SIPA1L2: variants seen among roughly 807,000 people sequenced by gnomAD.
SIPA1L2 encodes the protein signal-induced proliferation-associated 1-like protein 2.
SIPA1L2 carries 56 observed loss-of-function variants against 163.9 expected under a neutral mutation model. The ratio of observed to expected loss-of-function variants is 0.34; its 90% confidence interval spans 0.28 to 0.43. The LOEUF (loss-of-function observed/expected upper bound fraction) is 0.43. Ranked by LOEUF, SIPA1L2 falls within the 20% of genes least tolerant of loss-of-function variation. The pLI is 1.00. For synonymous variants in SIPA1L2, 877 were observed against 865.7 expected (o/e 1.01, Z -0.23); for missense variants, 1,974 against 2,193.5 (o/e 0.90, Z 2.00).
At chr1:232,589,086 G>T (rs1476027395) in intron 1 of SIPA1L2, among the ~76,000 whole-genome samples, 1 of 152,160 alleles carries the variant, frequency 6.6e-6, no homozygotes, top group Non-Finnish European at 1.5e-5. Context: ...ACATTTAGGT[G>T]GCAGTTCCCT....
chr1:232,551,989 G>A (rs370580479), intron 2 of SIPA1L2, among the ~76,000 whole-genome samples: 9 of 152,036 alleles, frequency 5.9e-5, no homozygotes, highest in African/African-American at 2.2e-4. Flanking sequence ...ACAGGCGCCC[G>A]CCCCCACGCC....
chr1:232,418,791 A>G (rs1430824575), intron 18 of SIPA1L2, among the ~76,000 whole-genome samples: 1 of 152,170 alleles, frequency 6.6e-6, no homozygotes, highest in East Asian at 1.9e-4. Flanking sequence ...CCAGTGGTGA[A>G]TGGGACTTCT....
At chr1:232,590,634 G>A (rs1660909851) in intron 1 of SIPA1L2, among the ~76,000 whole-genome samples, 1 of 152,188 alleles carries the variant, frequency 6.6e-6, no homozygotes, top group South Asian at 2.1e-4. Flanking sequence ...ACATGGCATT[G>A]GGCCTCGCCC....
At chr1:232,586,607 T>C (rs1350584317) in intron 1 of SIPA1L2, among the ~76,000 whole-genome samples, 1 of 152,224 alleles carries the variant, frequency 6.6e-6, no homozygotes, top group African/African-American at 2.4e-5. Flanking sequence ...ACTTAAAATT[T>C]CTTTTAATGA....
At chr1:232,407,623 G>A (rs1310600775) in intron 19 of SIPA1L2, among the ~76,000 whole-genome samples, 3 of 152,122 alleles carry the variant, frequency 2.0e-5, no homozygotes, top group African/African-American at 7.2e-5. Flanking sequence ...ATTTGCACAG[G>A]AGCACACACA....
chr1:232,512,438 C>T (rs1005291298), intron 3 of SIPA1L2, among the ~76,000 whole-genome samples: 1 of 152,136 alleles, frequency 6.6e-6, no homozygotes, highest in South Asian at 2.1e-4. Context: ...TATTGCAGCA[C>T]TATTTACAAT....
At position 232,402,490 on chromosome 1, in the gene SIPA1L2, G is replaced by C; in HGVS notation, c.4941-17C>G. ...GAACGCTCCCTAGCAAATAAGGATA[G>C]AATTAGAAAGATTCAAGAGAGTCAA... On this transcript the variant is annotated splice_polypyrimidine_tract_variant and intron_variant, in intron 21 of 22. Coordinates refer to ENST00000674635, the MANE Select transcript of SIPA1L2 (RefSeq NM_020808.5). 1 of 1,601,100 alleles carries C rather than the reference G, an allele frequency of 6.2e-7. No individual in the cohort carries two copies. Among genetic ancestry groups the C allele is most frequent in the African/African-American group, 1.3e-5 (1 of 74,512 alleles).
chr1:232,539,495 T>C (rs945659696), intron 2 of SIPA1L2, among the ~76,000 whole-genome samples: 6 of 152,348 alleles, frequency 3.9e-5, no homozygotes, highest in South Asian at 2.1e-4. Context: ...CCCTTCTGCA[T>C]CTTTGCCTTC....
chr1:232,569,586 G>A (rs559188697), intron 2 of SIPA1L2, among the ~76,000 whole-genome samples: 2 of 152,344 alleles, frequency 1.3e-5, no homozygotes, highest in South Asian at 4.1e-4. Flanking sequence ...GCTGAGGCAG[G>A]CGAATCACCC....
chr1:232,475,213 C>T (rs1347422488), intron 7 of SIPA1L2, among the ~76,000 whole-genome samples: 1 of 152,174 alleles, frequency 6.6e-6, no homozygotes, highest in African/African-American at 2.4e-5. Context: ...ACCTCTCCGA[C>T]CTCATCACCT....
intron 2 of SIPA1L2, among the ~76,000 whole-genome samples, chr1:232,537,262 C>G (rs1171934680): frequency 6.6e-6 from 1 of 152,074 alleles, no homozygotes; most frequent in African/African-American, 2.4e-5. Flanking sequence ...ATAATAATTA[C>G]ATTATGTATT....
intron 2 of SIPA1L2, among the ~76,000 whole-genome samples, chr1:232,533,477 A>G (rs1381468365): frequency 1.3e-5 from 2 of 152,238 alleles, no homozygotes; most frequent in East Asian, 1.9e-4. Context: ...GGTGGACTGC[A>G]GCTATCACTG....
At chr1:232,420,830 G>A (rs184254772) in intron 18 of SIPA1L2, among the ~76,000 whole-genome samples, 6 of 151,362 alleles carry the variant, frequency 4.0e-5, no homozygotes, top group East Asian at 1.9e-4. Flanking sequence ...GTGAGACTCC[G>A]TCTCAAAAAA....
chr1:232,460,403 A>C (rs1474460515), intron 10 of SIPA1L2, among the ~76,000 whole-genome samples: 1 of 152,180 alleles, frequency 6.6e-6, no homozygotes, highest in African/African-American at 2.4e-5. Context: ...AGTATTTACC[A>C]CAGAGAGTAC....
At chr1:232,427,797 T>C (rs539075481) in intron 17 of SIPA1L2, among the ~76,000 whole-genome samples, 64 of 152,382 alleles carry the variant, frequency 4.2e-4, no homozygotes, top group African/African-American at 1.5e-3. Context: ...ACCTTCCCTA[T>C]GATCTCTGCA....
At chr1:232,551,321 A>G (rs1194510908) in intron 2 of SIPA1L2, among the ~76,000 whole-genome samples, 1 of 152,132 alleles carries the variant, frequency 6.6e-6, no homozygotes, top group East Asian at 1.9e-4. Flanking sequence ...TCTGTAAGAG[A>G]AAAGGGGTAG....
intron 3 of SIPA1L2, among the ~76,000 whole-genome samples, chr1:232,510,711 T>G (rs1666940590): frequency 6.6e-6 from 1 of 152,092 alleles, no homozygotes; most frequent in Non-Finnish European, 1.5e-5. Flanking sequence ...TAACAGAATC[T>G]AGCAACCTAA....
At chr1:232,587,723 C>T (rs541337250) in intron 1 of SIPA1L2, among the ~76,000 whole-genome samples, 21 of 152,288 alleles carry the variant, frequency 1.4e-4, no homozygotes, top group Admixed American at 5.9e-4. Flanking sequence ...TGTCCCCACC[C>T]AAATCTCATC....
intron 2 of SIPA1L2, among the ~76,000 whole-genome samples, chr1:232,517,638 T>G (rs1176984273): frequency 6.6e-6 from 1 of 152,252 alleles, no homozygotes; most frequent in Non-Finnish European, 1.5e-5. Flanking sequence ...AGCTTTCACA[T>G]TCCTCTAACA....
Sources: allele counts gnomAD v4.1 joint callset (sites outside exome capture counted in the v4.1 genomes callset), GRCh38; gene constraint gnomAD v4.1.1; transcripts MANE v1.5; gene names NCBI Gene and HGNC (gene_info 2026-07-23, HGNC 2026-07-21).